Variants in CNTN4 observed in about 807,000 individuals in gnomAD.
CNTN4 encodes the protein contactin-4.
In CNTN4, 77 loss-of-function variants were observed where a neutral mutation model predicts 122.5. That is an observed-to-expected ratio of 0.63 (90% confidence interval 0.52 to 0.76). The LOEUF is 0.76. Ranked by LOEUF, CNTN4 falls within the 30% of genes least tolerant of loss-of-function variation. CNTN4 has a pLI of 0.00. For missense variants in CNTN4, 1,256 were observed against 1,259.1 expected (o/e 1.00, Z 0.04); for synonymous variants, 512 against 447.0 (o/e 1.15, Z -1.83).
intron 4 of CNTN4, among the ~76,000 whole-genome samples, chr3:2,724,400 A>T (rs770231830): frequency 6.6e-6 from 1 of 152,200 alleles, no homozygotes; most frequent in African/African-American, 2.4e-5. Flanking sequence ...CCTATCTCCT[A>T]AGAAACAATG....
intron 2 of CNTN4, among the ~76,000 whole-genome samples, chr3:2,162,796 A>C (rs1039431733): frequency 3.3e-5 from 5 of 152,196 alleles, no homozygotes; most frequent in African/African-American, 1.2e-4. Context: ...ATCAAATAAA[A>C]GAAACAATAA....
In CNTN4 at chr3:2,111,834, T is replaced by C. The variant is rs779380194; in HGVS notation, c.-145+11195T>C. 1.2e-3 allele frequency among the ~76,000 whole-genome samples: 177 copies of C among 152,280 alleles called. 1 individual carries two copies. The highest frequency in any genetic ancestry group is 3.4e-3 in the Middle Eastern group (1 of 294). ...CCATCCCTAAAAATGCTGTTTATCATGATTTTACCCTTTCAATGCATTTAT... is the reference window on the plus strand; with the variant it reads ...CCATCCCTAAAAATGCTGTTTATCACGATTTTACCCTTTCAATGCATTTAT... On this transcript the variant is annotated intron_variant, in intron 2 of 24. Transcript: ENST00000418658.
intron 3 of CNTN4, among the ~76,000 whole-genome samples, chr3:2,506,933 A>G (rs969792621): frequency 1.3e-5 from 2 of 152,068 alleles, no homozygotes; most frequent in Non-Finnish European, 2.9e-5. Flanking sequence ...GCCTCCAGTC[A>G]TGTGTTCTGA....
At chr3:2,761,716 CA>C (rs964554796) in intron 6 of CNTN4, among the ~76,000 whole-genome samples, 2 of 152,034 alleles carry the variant, frequency 1.3e-5, no homozygotes, top group Non-Finnish European at 2.9e-5. Flanking sequence ...AGGTTTCAAA[CA>C]CAGTTGGCAG....
At chr3:2,469,140 T>G (rs891594801) in intron 3 of CNTN4, among the ~76,000 whole-genome samples, 15 of 152,238 alleles carry the variant, frequency 9.9e-5, no homozygotes, top group Admixed American at 4.6e-4. Flanking sequence ...GTGATAATTT[T>G]GCACAAACCA....
chr3:2,254,469 G>A (rs781134332), intron 2 of CNTN4, among the ~76,000 whole-genome samples: 2 of 152,152 alleles, frequency 1.3e-5, no homozygotes, highest in Non-Finnish European at 2.9e-5. Context: ...TTGCCACACT[G>A]TCTTCCACAG....
At chr3:2,646,379 T>C (rs1417495852) in intron 4 of CNTN4, among the ~76,000 whole-genome samples, 2 of 152,218 alleles carry the variant, frequency 1.3e-5, no homozygotes, top group Non-Finnish European at 2.9e-5. Flanking sequence ...AAGCATTTTG[T>C]GCAAATTATT....
intron 3 of CNTN4, among the ~76,000 whole-genome samples, chr3:2,421,703 T>C (rs1292591285): frequency 6.6e-6 from 1 of 152,220 alleles, no homozygotes; most frequent in African/African-American, 2.4e-5. Flanking sequence ...CATCTGTTCA[T>C]TGAAAATAGG....
intron 4 of CNTN4, among the ~76,000 whole-genome samples, chr3:2,675,944 C>T (rs939978999): frequency 3.3e-5 from 5 of 152,150 alleles, no homozygotes; most frequent in Non-Finnish European, 4.4e-5. Context: ...AAAAGTTAAA[C>T]AACTCAGATA....
chr3:3,025,073 A>T (rs1479890443), intron 14 of CNTN4, among the ~76,000 whole-genome samples: 2 of 152,200 alleles, frequency 1.3e-5, no homozygotes, highest in Non-Finnish European at 2.9e-5. Context: ...CGGCCTTTAC[A>T]TTGAATTCAA....
chr3:2,527,286 C>A (rs1310436694), intron 3 of CNTN4, among the ~76,000 whole-genome samples: 1 of 152,180 alleles, frequency 6.6e-6, no homozygotes, highest in African/African-American at 2.4e-5. Flanking sequence ...TGTGGATGTC[C>A]TCTGAAGTTT....
chr3:2,718,941 AG>A (rs2087667021), intron 4 of CNTN4, among the ~76,000 whole-genome samples: 1 of 152,178 alleles, frequency 6.6e-6, no homozygotes, highest in African/African-American at 2.4e-5. Flanking sequence ...AGGTGTCTGA[AG>A]CCCCTGAAAT....
chr3:2,858,733 A>G (rs1269225565), intron 7 of CNTN4, among the ~76,000 whole-genome samples: 1 of 152,016 alleles, frequency 6.6e-6, no homozygotes, highest in African/African-American at 2.4e-5. Flanking sequence ...AAAGAAAAAG[A>G]AAAACCCAAT....
chr3:2,386,287 T>C (rs1425114145), intron 3 of CNTN4, among the ~76,000 whole-genome samples: 1 of 151,352 alleles, frequency 6.6e-6, no homozygotes, highest in Non-Finnish European at 1.5e-5. Context: ...TGCATTGCTG[T>C]CTGCTTGACC....
intron 3 of CNTN4, among the ~76,000 whole-genome samples, chr3:2,340,997 A>G (rs1394894111): frequency 7.2e-5 from 11 of 151,964 alleles, no homozygotes; most frequent in Non-Finnish European, 1.0e-4. Context: ...GCTGCTCCAC[A>G]AGGTCCCTCT....
chr3:2,115,315 G>T, intron 2 of CNTN4, among the ~76,000 whole-genome samples: 1 of 152,210 alleles, frequency 6.6e-6, no homozygotes, highest in East Asian at 1.9e-4. Context: ...TCTACTGGGG[G>T]TTTTGGAGCT....
intron 2 of CNTN4, among the ~76,000 whole-genome samples, chr3:2,194,712 C>T (rs2037754576): frequency 1.3e-5 from 2 of 152,128 alleles, no homozygotes; most frequent in South Asian, 2.1e-4. Flanking sequence ...CAAAGATTGA[C>T]AGGCAGGCAA....
intron 3 of CNTN4, among the ~76,000 whole-genome samples, chr3:2,413,536 A>G (rs1378552070): frequency 3.3e-5 from 5 of 151,956 alleles, no homozygotes; most frequent in African/African-American, 1.2e-4. Context: ...ATATTTTTAT[A>G]TAAACCATGA....
intron 2 of CNTN4, among the ~76,000 whole-genome samples, chr3:2,113,732 A>T (rs1351808665): frequency 1.3e-5 from 2 of 152,234 alleles, no homozygotes; most frequent in Non-Finnish European, 2.9e-5. Context: ...GGTAGAATAT[A>T]GTCAATATGA....
Sources: gnomAD v4.1 joint callset for allele counts (sites outside exome capture counted in the v4.1 genomes callset) on GRCh38, gnomAD v4.1.1 for gene constraint, MANE v1.5 for transcripts, NCBI Gene and HGNC (gene_info 2026-07-23, HGNC 2026-07-21) for gene names.